Variants in ARHGAP42 observed in about 807,000 individuals in gnomAD.
The protein encoded by ARHGAP42 is rho GTPase-activating protein 42.
Under a neutral mutation model 125.0 loss-of-function variants are expected in ARHGAP42, and 63 were observed. The observed-to-expected ratio is 0.50, with a 90% confidence interval of 0.41 to 0.62. ARHGAP42 has a LOEUF of 0.62. Ranked by LOEUF, ARHGAP42 falls within the 20% of genes least tolerant of loss-of-function variation. The pLI is 0.00. For missense variants in ARHGAP42, 766 were observed against 1,024.2 expected (o/e 0.75, Z 3.44); for synonymous variants, 339 against 351.0 (o/e 0.97, Z 0.38).
intron 3 of ARHGAP42, among the ~76,000 whole-genome samples, chr11:100,841,139 T>G (rs1315494846): frequency 6.6e-6 from 1 of 152,200 alleles, no homozygotes; most frequent in African/African-American, 2.4e-5. Context: ...TGAAATGTGA[T>G]AAATGTGAGG....
chr11:100,845,010 T>C (rs186025572), intron 3 of ARHGAP42, among the ~76,000 whole-genome samples: 297 of 152,064 alleles, frequency 2.0e-3, no homozygotes, highest in African/African-American at 6.7e-3. Flanking sequence ...GCAGCACAAT[T>C]AGCAATTGCA....
chr11:100,947,635 G>A (rs1384598450), intron 10 of ARHGAP42, among the ~76,000 whole-genome samples: 1 of 151,834 alleles, frequency 6.6e-6, no homozygotes, highest in African/African-American at 2.4e-5. Context: ...TCCAACATCA[G>A]ATTATCTTGA....
chr11:100,842,207 G>A (rs1371248549), intron 3 of ARHGAP42, among the ~76,000 whole-genome samples: 2 of 152,150 alleles, frequency 1.3e-5, no homozygotes, highest in Non-Finnish European at 2.9e-5. Context: ...CCTTCACTGA[G>A]CATACACTTA....
chr11:100,775,494 A>C (rs1290655310), intron 2 of ARHGAP42, among the ~76,000 whole-genome samples: 2 of 152,230 alleles, frequency 1.3e-5, no homozygotes, highest in African/African-American at 4.8e-5. Context: ...GGGAATTGAT[A>C]ACGTTCCAAC....
At position 100,959,962 on chromosome 11, in the gene ARHGAP42, T is replaced by A. The variant is rs563460; in HGVS notation, c.1225+17T>A. ...AAACAAGAGGTCAGTGTTGCCTGAT[T>A]GGTACAGCATCCCTGTCATGTGTCT... On this transcript the variant is annotated intron_variant, in intron 13 of 23. Transcript: ENST00000298815. 5 of 1,548,544 alleles carry A rather than the reference T, an allele frequency of 3.2e-6. No homozygotes were observed.
chr11:100,790,289 T>C (rs1301042862), intron 2 of ARHGAP42, among the ~76,000 whole-genome samples: 1 of 152,230 alleles, frequency 6.6e-6, no homozygotes, highest in East Asian at 1.9e-4. Context: ...TCAACTATTA[T>C]GTTTGTGAAC....
chr11:100,903,298 T>A (rs1455468444), intron 4 of ARHGAP42, among the ~76,000 whole-genome samples: 1 of 152,180 alleles, frequency 6.6e-6, no homozygotes, highest in African/African-American at 2.4e-5. Context: ...ATACATCTGT[T>A]ATTTTTAGTC....
chr11:100,713,755 A>G (rs1045087408), intron 1 of ARHGAP42, among the ~76,000 whole-genome samples: 5 of 152,178 alleles, frequency 3.3e-5, no homozygotes, highest in Admixed American at 2.0e-4. Flanking sequence ...AGATTTCTTT[A>G]GGGGATCTGC....
intron 3 of ARHGAP42, among the ~76,000 whole-genome samples, chr11:100,827,995 A>G (rs952945779): frequency 1.3e-5 from 2 of 152,220 alleles, no homozygotes; most frequent in Admixed American, 6.5e-5. Context: ...CAGAAAAGCC[A>G]CAGGGTCTGC....
At chr11:100,757,155 T>C (rs1217283550) in intron 1 of ARHGAP42, among the ~76,000 whole-genome samples, 2 of 152,106 alleles carry the variant, frequency 1.3e-5, no homozygotes, top group Non-Finnish European at 2.9e-5. Flanking sequence ...AAATAAGACA[T>C]GAAAATTATA....
intron 3 of ARHGAP42, among the ~76,000 whole-genome samples, chr11:100,846,509 A>G (rs147732505): frequency 1.4e-3 from 206 of 152,088 alleles, no homozygotes; most frequent in African/African-American, 4.8e-3. Flanking sequence ...TCCACCTCCT[A>G]CCCTACCCCC....
At chr11:100,769,838 A>C (rs1862931398) in intron 1 of ARHGAP42, among the ~76,000 whole-genome samples, 1 of 144,126 alleles carries the variant, frequency 6.9e-6, no homozygotes, top group Non-Finnish European at 1.5e-5. Context: ...GGGGAGGTGT[A>C]GGGGGATGGA....
chr11:100,754,200 T>C (rs1862523871), intron 1 of ARHGAP42, among the ~76,000 whole-genome samples: 1 of 152,230 alleles, frequency 6.6e-6, no homozygotes, highest in Non-Finnish European at 1.5e-5. Context: ...TTGGTAAGAT[T>C]CCCCTTAACT....
At chr11:100,917,777 G>T (rs1237666702) in intron 5 of ARHGAP42, among the ~76,000 whole-genome samples, 1 of 152,188 alleles carries the variant, frequency 6.6e-6, no homozygotes, top group Non-Finnish European at 1.5e-5. Context: ...TCACTATGTT[G>T]GCCAGGCTGG....
At chr11:100,906,090 G>A (rs569576830) in intron 4 of ARHGAP42, among the ~76,000 whole-genome samples, 38 of 152,208 alleles carry the variant, frequency 2.5e-4, no homozygotes, top group South Asian at 1.5e-3. Flanking sequence ...TAATTTTCTG[G>A]AAGATCATAT....
intron 1 of ARHGAP42, among the ~76,000 whole-genome samples, chr11:100,768,491 C>A (rs1003612436): frequency 6.6e-6 from 1 of 152,108 alleles, no homozygotes; most frequent in Non-Finnish European, 1.5e-5. Flanking sequence ...AAGAAGAGGG[C>A]TTAAAGGAGC....
At chr11:100,765,531 A>C (rs538469123) in intron 1 of ARHGAP42, among the ~76,000 whole-genome samples, 1 of 152,248 alleles carries the variant, frequency 6.6e-6, no homozygotes, top group Admixed American at 6.5e-5. Flanking sequence ...TATTGTGAGG[A>C]CTAATGGGTT....
Position 100,980,559 on chromosome 11 carries a change from C to CTTTTTTTTTTTTTTTTT in ARHGAP42, c.2456+1524_2456+1540dup. ...TCAAATCATACTTCTTTTTCTTCTT[C>CTTTTTTTTTTTTTTTTT]TTTTTTTTTTTTTTTTTTTTTTTTT... On this transcript the variant is annotated intron_variant, in intron 22 of 23. Transcript: ENST00000298815. Among the ~76,000 whole-genome samples the CTTTTTTTTTTTTTTTTT allele has an allele frequency of 1.3e-3, 69 of 51,950 alleles. 5 individuals are homozygous for CTTTTTTTTTTTTTTTTT. Among genetic ancestry groups the CTTTTTTTTTTTTTTTTT allele is most frequent in the East Asian group, 8.6e-3 (10 of 1,164 alleles). 34.1% of individuals were successfully genotyped at this position (51,950 alleles called of 152,430 possible). A position where few individuals can be genotyped will look rare whatever the true frequency, so the allele number is the denominator to read the frequency against.
chr11:100,960,522 C>A lies in ARHGAP42; in HGVS notation c.1226-393C>A, dbSNP rs1255727848. 2.6e-5 allele frequency among the ~76,000 whole-genome samples: 4 copies of A among 152,220 alleles called. No individual in the cohort carries two copies. In the South Asian group the frequency reaches 8.3e-4, roughly 32 times the overall value. On this transcript the variant is annotated intron_variant, in intron 13 of 23. Coordinates refer to ENST00000298815, the MANE Select transcript of ARHGAP42 (RefSeq NM_152432.4). ...TTCTGAGAAGTAGTTTCCTTGAATT[C>A]TCTGAATCTGTTTCCTCATCTCTAA...
Sources: allele counts gnomAD v4.1 joint callset (sites outside exome capture counted in the v4.1 genomes callset), GRCh38; gene constraint gnomAD v4.1.1; transcripts MANE v1.5; gene names NCBI Gene and HGNC (gene_info 2026-07-23, HGNC 2026-07-21).